The following TUSC3 variants were observed in gnomAD, a reference collection of about 807,000 sequenced individuals.
TUSC3 encodes the protein tumor suppressor candidate 3.
In TUSC3, 45 loss-of-function variants were observed where a neutral mutation model predicts 44.8. The observed-to-expected ratio is 1.00, with a 90% CI of 0.79 to 1.29. The LOEUF (loss-of-function observed/expected upper bound fraction) is 1.29. TUSC3 is among the 50% of genes most tolerant of loss of function. The pLI is 0.00. For synonymous variants in TUSC3, 212 were observed against 152.9 expected (o/e 1.39, Z -2.85); for missense variants, 519 against 437.9 (o/e 1.19, Z -1.65).
chr8:15,778,565 T>C, the TUSC3 span, among the ~76,000 whole-genome samples: 1 of 152,186 alleles, frequency 6.6e-6, no homozygotes, highest in South Asian at 2.1e-4. Context: ...CCAGTATTAT[T>C]AGGTAACACA....
At chr8:15,481,138 C>T (rs953529118) in intron 1 of TUSC3, among the ~76,000 whole-genome samples, 3 of 150,662 alleles carry the variant, frequency 2.0e-5, no homozygotes, top group African/African-American at 4.9e-5. Flanking sequence ...ATCCCAGCTA[C>T]TTGGGAGGCT....
intron 5 of TUSC3, among the ~76,000 whole-genome samples, chr8:15,668,826 A>G (rs1270248048): frequency 6.6e-6 from 1 of 151,766 alleles, no homozygotes; most frequent in East Asian, 1.9e-4. Flanking sequence ...ATGATGCTGT[A>G]TGAAACTTTA....
At chr8:15,646,638 A>G (rs1806645380) in intron 2 of TUSC3, among the ~76,000 whole-genome samples, 1 of 152,044 alleles carries the variant, frequency 6.6e-6, no homozygotes, top group Admixed American at 6.6e-5. Flanking sequence ...TTAAAACATA[A>G]TATTTTAATC....
chr8:15,486,678 C>G (rs980021150), intron 2 of TUSC3, among the ~76,000 whole-genome samples: 5 of 151,996 alleles, frequency 3.3e-5, no homozygotes, highest in Non-Finnish European at 7.4e-5. Flanking sequence ...CTCCTGACCT[C>G]GTGATTCACC....
At chr8:15,825,757 T>G in the TUSC3 span, among the ~76,000 whole-genome samples, 1 of 147,868 alleles carries the variant, frequency 6.8e-6, no homozygotes, top group Non-Finnish European at 1.5e-5. Flanking sequence ...TTACCTCCTA[T>G]GCATTTTTTT....
At chr8:15,783,203 A>G in the TUSC3 span, among the ~76,000 whole-genome samples, 98,944 of 152,000 alleles carry the variant, frequency 0.65, 33,210 homozygotes, top group African/African-American at 0.8. Flanking sequence ...AAAAAATGAA[A>G]GTAGCCCAAA....
At chr8:15,673,097 T>G (rs905199405) in intron 5 of TUSC3, among the ~76,000 whole-genome samples, 2 of 152,078 alleles carry the variant, frequency 1.3e-5, no homozygotes, top group Non-Finnish European at 2.9e-5. Context: ...GTTTATGCAT[T>G]CTCTCCCCAC....
At chr8:15,634,122 A>G (rs1354955903) in intron 2 of TUSC3, among the ~76,000 whole-genome samples, 3 of 152,204 alleles carry the variant, frequency 2.0e-5, no homozygotes, top group Admixed American at 1.3e-4. Context: ...GTATTGGAGC[A>G]AAGACAAGAT....
chr8:15,783,275 C>T, the TUSC3 span, among the ~76,000 whole-genome samples: 4 of 152,126 alleles, frequency 2.6e-5, no homozygotes, highest in African/African-American at 7.2e-5. Flanking sequence ...TTCATACTGT[C>T]CAAAGTGTGA....
intron 1 of TUSC3, 72 bp from the exon 2 acceptor site, chr8:15,623,008 A>G (rs1047629685): frequency 6.9e-5 from 99 of 1,434,640 alleles, no homozygotes; most frequent in Non-Finnish European, 8.3e-5. Context: ...AAAACATTTT[A>G]TGCATTTATA....
intron 2 of TUSC3, among the ~76,000 whole-genome samples, chr8:15,487,279 G>A (rs185803476): frequency 5.9e-5 from 9 of 152,222 alleles, no homozygotes; most frequent in East Asian, 5.8e-4. Flanking sequence ...ATGGTGTTGG[G>A]TTTTCAAAGC....
chr8:15,707,269 G>C (rs537603205), intron 6 of TUSC3, among the ~76,000 whole-genome samples: 1 of 152,028 alleles, frequency 6.6e-6, no homozygotes, highest in South Asian at 2.1e-4. Flanking sequence ...TTACATTTAA[G>C]AAATCTGAAA....
intron 2 of TUSC3, among the ~76,000 whole-genome samples, chr8:15,517,508 C>A (rs1163359645): frequency 4.4e-5 from 5 of 114,226 alleles, no homozygotes; most frequent in African/African-American, 1.8e-4. Context: ...AGCTTCCTAA[C>A]ATTTAGCGTG....
intron 7 of TUSC3, among the ~76,000 whole-genome samples, chr8:15,740,921 C>T (rs772331762): frequency 2.6e-5 from 4 of 151,998 alleles, no homozygotes; most frequent in Admixed American, 6.6e-5. Flanking sequence ...TATACTCTTA[C>T]GAAAATGTAC....
At chr8:15,607,309 C>G (rs1554458003) in intron 1 of TUSC3, among the ~76,000 whole-genome samples, 1 of 152,098 alleles carries the variant, frequency 6.6e-6, no homozygotes, top group Non-Finnish European at 1.5e-5. Context: ...ATGGTAGAGA[C>G]AGTTCTAGGC....
chr8:15,779,640 A>G, the TUSC3 span, among the ~76,000 whole-genome samples: 1 of 152,184 alleles, frequency 6.6e-6, no homozygotes, highest in Non-Finnish European at 1.5e-5. Context: ...GAAGAGTAAA[A>G]ATGTAACATA....
At chr8:15,653,955 C>T (rs1373100227) in intron 3 of TUSC3, among the ~76,000 whole-genome samples, 1 of 151,936 alleles carries the variant, frequency 6.6e-6, no homozygotes, top group Non-Finnish European at 1.5e-5. Flanking sequence ...TATGTGATTC[C>T]CATAGGAATG....
intron 7 of TUSC3, among the ~76,000 whole-genome samples, chr8:15,738,295 A>G (rs951097326): frequency 6.6e-6 from 1 of 152,240 alleles, no homozygotes; most frequent in Non-Finnish European, 1.5e-5. Flanking sequence ...AATGTTTACT[A>G]AATTCTTGCA....
At chr8:15,582,273 G>A (rs957112167) in intron 1 of TUSC3, among the ~76,000 whole-genome samples, 15 of 152,164 alleles carry the variant, frequency 9.9e-5, no homozygotes, top group East Asian at 3.9e-4. Context: ...CGTCTTCTGG[G>A]TCGCTCACGC....
Sources: allele counts gnomAD v4.1 joint callset (sites outside exome capture counted in the v4.1 genomes callset), GRCh38; gene constraint gnomAD v4.1.1; transcripts MANE v1.5; gene names NCBI Gene and HGNC (gene_info 2026-07-23, HGNC 2026-07-21).